Variants in RSU1 observed in about 807,000 individuals in gnomAD.
RSU1 encodes the protein rsu-1.
Under a neutral mutation model 31.1 loss-of-function variants are expected in RSU1, and 26 were observed. The observed-to-expected ratio is 0.84, with a 90% CI of 0.61 to 1.16. RSU1 has a LOEUF of 1.16. Among genes scored for constraint, RSU1 ranks in the 50% most tolerant of loss-of-function variants. The pLI, the probability that RSU1 is intolerant of heterozygous loss-of-function variation, is 0.00. For synonymous variants in RSU1, 164 were observed against 136.3 expected (o/e 1.20, Z -1.41); for missense variants, 320 against 339.1 (o/e 0.94, Z 0.44).
chr10:16,607,933 G>A (rs1833832386), intron 8 of RSU1, among the ~76,000 whole-genome samples: 1 of 152,080 alleles, frequency 6.6e-6, no homozygotes. Context: ...AACATTATCA[G>A]CTCACTGCAA....
At chr10:16,754,242 T>G (rs1837036410) in intron 5 of RSU1, among the ~76,000 whole-genome samples, 1 of 152,206 alleles carries the variant, frequency 6.6e-6, no homozygotes, top group African/African-American at 2.4e-5. Context: ...GCAAACCTTG[T>G]CCAAAATAGT....
At chr10:16,706,956 T>C (rs1835916835) in intron 7 of RSU1, among the ~76,000 whole-genome samples, 1 of 151,822 alleles carries the variant, frequency 6.6e-6, no homozygotes. Flanking sequence ...CTGTTTTTGT[T>C]GTTGTTAAGA....
At chr10:16,710,685 T>C (rs1386192021) in intron 7 of RSU1, among the ~76,000 whole-genome samples, 6 of 152,104 alleles carry the variant, frequency 3.9e-5, no homozygotes, top group Admixed American at 2.6e-4. Context: ...TTTTTTATTA[T>C]ACTTTAAGTT....
chr10:16,711,985 AATC>A (rs933900912), intron 7 of RSU1, among the ~76,000 whole-genome samples: 1 of 152,162 alleles, frequency 6.6e-6, no homozygotes, highest in African/African-American at 2.4e-5. Context: ...CTTTATGTGC[AATC>A]ATGTTTGTTT....
intron 7 of RSU1, among the ~76,000 whole-genome samples, chr10:16,699,545 C>A (rs999706587): frequency 2.6e-5 from 4 of 152,218 alleles, no homozygotes; most frequent in Admixed American, 2.0e-4. Flanking sequence ...AGTCAGCCTG[C>A]AATCGCTCTG....
At chr10:16,695,473 C>A (rs1173746166) in intron 7 of RSU1, among the ~76,000 whole-genome samples, 2 of 152,126 alleles carry the variant, frequency 1.3e-5, no homozygotes, top group Non-Finnish European at 2.9e-5. Context: ...AATATGAAAA[C>A]CATTTAAAAT....
At chr10:16,698,671 C>T (rs1000716124) in intron 7 of RSU1, among the ~76,000 whole-genome samples, 2 of 152,138 alleles carry the variant, frequency 1.3e-5, no homozygotes, top group African/African-American at 2.4e-5. Context: ...GCAGAGGCAT[C>T]ACAGATTGCT....
intron 7 of RSU1, among the ~76,000 whole-genome samples, chr10:16,735,085 T>C (rs1019534954): frequency 6.6e-6 from 1 of 152,176 alleles, no homozygotes; most frequent in Non-Finnish European, 1.5e-5. Context: ...CACAAGAAAA[T>C]TTATTTCTGT....
intron 8 of RSU1, among the ~76,000 whole-genome samples, chr10:16,682,574 G>GCACACACA (rs71200966): frequency 0.049 from 6,736 of 138,022 alleles, 442 homozygotes; most frequent in East Asian, 0.095. Context: ...ACACACACAT[G>GCACACACA]CATGCATGTT....
intron 8 of RSU1, among the ~76,000 whole-genome samples, chr10:16,604,029 G>GAA (rs1833756275): frequency 1.3e-5 from 2 of 152,146 alleles, no homozygotes; most frequent in African/African-American, 2.4e-5. Context: ...TCCTCTAGCT[G>GAA]GAGGATGATA....
At chr10:16,798,149 A>G (rs951093941) in intron 2 of RSU1, among the ~76,000 whole-genome samples, 1 of 152,056 alleles carries the variant, frequency 6.6e-6, no homozygotes, top group Non-Finnish European at 1.5e-5. Context: ...GGCATGAGGG[A>G]TTTCTTTTAA....
At chr10:16,626,066 A>G (rs1401467161) in intron 8 of RSU1, among the ~76,000 whole-genome samples, 1 of 150,234 alleles carries the variant, frequency 6.7e-6, no homozygotes, top group Non-Finnish European at 1.5e-5. Context: ...TTTTTTTGAG[A>G]CAAGGTCTCA....
intron 8 of RSU1, among the ~76,000 whole-genome samples, chr10:16,594,035 C>T (rs1034538452): frequency 1.3e-5 from 2 of 152,196 alleles, no homozygotes; most frequent in African/African-American, 4.8e-5. Flanking sequence ...CCTATAATTA[C>T]GGTGGATGGC....
chr10:16,650,756 T>A (rs1302901282), intron 8 of RSU1, among the ~76,000 whole-genome samples: 2 of 151,534 alleles, frequency 1.3e-5, no homozygotes, highest in South Asian at 2.1e-4. Context: ...CTTTTTTTTT[T>A]ATTTTTAGCA....
rs574682961 is a variant in RSU1 at position 16,638,855 on chromosome 10, G to A, written c.732-45359C>T. On this transcript the variant is annotated intron_variant, in intron 8 of 8. Coordinates refer to ENST00000345264, the MANE Select transcript of RSU1 (RefSeq NM_012425.4). ...GGTTTTCACAACTTAAAGAATGGAT[G>A]TAGACTTCAGTGGATAATTCATGCT... 2.6e-5 allele frequency among the ~76,000 whole-genome samples: 4 copies of A among 152,320 alleles called. No individual in the cohort carries two copies. The South Asian group carries it at 8.3e-4, about 32-fold the overall frequency.
At chr10:16,701,122 G>A (rs1052946130) in intron 7 of RSU1, among the ~76,000 whole-genome samples, 4 of 152,134 alleles carry the variant, frequency 2.6e-5, no homozygotes, top group African/African-American at 4.8e-5. Flanking sequence ...ATTAATTACC[G>A]ATTTGGAGAA....
chr10:16,762,497 C>T (rs1370359988), intron 4 of RSU1, among the ~76,000 whole-genome samples: 2 of 148,696 alleles, frequency 1.3e-5, no homozygotes, highest in Non-Finnish European at 3.0e-5. Context: ...GGTATACAGG[C>T]TCCAAATTTG....
intron 8 of RSU1, among the ~76,000 whole-genome samples, chr10:16,645,931 C>T (rs12570121): frequency 0.78 from 12,104 of 15,536 alleles, 4,894 homozygotes; most frequent in Middle Eastern, 0.88. Context: ...TGTATATACA[C>T]ATATGTGTAT....
intron 7 of RSU1, among the ~76,000 whole-genome samples, chr10:16,731,420 A>G (rs926333335): frequency 2.2e-5 from 3 of 137,922 alleles, no homozygotes; most frequent in Admixed American, 1.5e-4. Context: ...AAAGAGCGAC[A>G]CTCCGTCTCA....
Sources: gnomAD v4.1 joint callset for allele counts (sites outside exome capture counted in the v4.1 genomes callset) on GRCh38, gnomAD v4.1.1 for gene constraint, MANE v1.5 for transcripts, NCBI Gene and HGNC (gene_info 2026-07-23, HGNC 2026-07-21) for gene names.